Variants in ZNF385D observed in about 807,000 individuals in gnomAD.
The protein encoded by ZNF385D is zinc finger protein 659.
ZNF385D carries 15 observed loss-of-function variants against 35.8 expected under a neutral mutation model. That is an observed-to-expected ratio of 0.42 (90% CI 0.28 to 0.64). The LOEUF is 0.64. ZNF385D is among the 30% of genes least tolerant of loss of function. The pLI, the probability that ZNF385D is intolerant of heterozygous loss-of-function variation, is 0.23. For synonymous variants in ZNF385D, 212 were observed against 186.8 expected, an observed-to-expected ratio of 1.13 and a Z score of -1.10; for missense variants, 474 against 494.6, an observed-to-expected ratio of 0.96 and a Z score of 0.39.
At chr3:21,498,234 C>G (rs1368122031) in intron 4 of ZNF385D, among the ~76,000 whole-genome samples, 3 of 151,978 alleles carry the variant, frequency 2.0e-5, no homozygotes, top group Admixed American at 1.3e-4. Context: ...GGATTAAAGA[C>G]TTAAAGGTAA....
At chr3:21,919,616 C>G (rs1700357009) in intron 3 of ZNF385D, among the ~76,000 whole-genome samples, 1 of 152,158 alleles carries the variant, frequency 6.6e-6, no homozygotes, top group Admixed American at 6.5e-5. Flanking sequence ...ATTAAAAGCT[C>G]TGATAATTGC....
chr3:22,279,144 G>A (rs1701586221), intron 2 of ZNF385D, among the ~76,000 whole-genome samples: 1 of 151,980 alleles, frequency 6.6e-6, no homozygotes, highest in Non-Finnish European at 1.5e-5. Context: ...GGGGGAACAG[G>A]TGATGTTTGG....
At chr3:21,834,096 G>A (rs1163319425) in intron 3 of ZNF385D, among the ~76,000 whole-genome samples, 2 of 152,116 alleles carry the variant, frequency 1.3e-5, no homozygotes, top group East Asian at 3.9e-4. Context: ...AAGAAAAAAA[G>A]GGAATAGGTG....
At chr3:22,003,960 A>T (rs1559839684) in intron 3 of ZNF385D, among the ~76,000 whole-genome samples, 1 of 152,210 alleles carries the variant, frequency 6.6e-6, no homozygotes, top group African/African-American at 2.4e-5. Flanking sequence ...AGTAAAAAAA[A>T]ACAAAGCTGG....
intron 3 of ZNF385D, among the ~76,000 whole-genome samples, chr3:21,987,880 T>C (rs1694903537): frequency 7.1e-6 from 1 of 141,298 alleles, no homozygotes; most frequent in Admixed American, 6.8e-5. Flanking sequence ...TTTTATTCTT[T>C]TTTCTCTAAA....
chr3:21,458,349 G>T (rs1559309638), intron 4 of ZNF385D, among the ~76,000 whole-genome samples: 4 of 151,384 alleles, frequency 2.6e-5, no homozygotes, highest in Non-Finnish European at 1.5e-5. Flanking sequence ...CAGGTATATG[G>T]CATGAACCAG....
chr3:21,451,097 G>A (rs974579690), intron 4 of ZNF385D, among the ~76,000 whole-genome samples: 1 of 152,026 alleles, frequency 6.6e-6, no homozygotes, highest in Non-Finnish European at 1.5e-5. Flanking sequence ...TATAGGGAGA[G>A]AAATTTTGTG....
chr3:22,131,720 C>A (rs1237445424), intron 3 of ZNF385D, among the ~76,000 whole-genome samples: 1 of 152,132 alleles, frequency 6.6e-6, no homozygotes, highest in Non-Finnish European at 1.5e-5. Context: ...GGAGATATCA[C>A]AGAGGGAGTT....
chr3:21,842,595 G>A (rs1238035283), intron 3 of ZNF385D, among the ~76,000 whole-genome samples: 1 of 151,948 alleles, frequency 6.6e-6, no homozygotes, highest in East Asian at 1.9e-4. Flanking sequence ...TGGGATGGTT[G>A]TTTACATACT....
chr3:21,904,759 G>C (rs1161072428), intron 3 of ZNF385D, among the ~76,000 whole-genome samples: 1 of 152,080 alleles, frequency 6.6e-6, no homozygotes, highest in Non-Finnish European at 1.5e-5. Flanking sequence ...AGAAAGAATA[G>C]CACTTATAAG....
intron 3 of ZNF385D, among the ~76,000 whole-genome samples, chr3:21,759,276 T>A (rs910146243): frequency 6.6e-6 from 1 of 152,012 alleles, no homozygotes; most frequent in Non-Finnish European, 1.5e-5. Context: ...TGACCCGGAC[T>A]GATATAATGC....
At chr3:21,689,625 C>G (rs2067218222) in intron 1 of ZNF385D, among the ~76,000 whole-genome samples, 1 of 152,082 alleles carries the variant, frequency 6.6e-6, no homozygotes. Context: ...AGTAATAGCA[C>G]AGATTATGGA....
intron 3 of ZNF385D, among the ~76,000 whole-genome samples, chr3:22,059,535 C>G (rs775227598): frequency 2.6e-5 from 4 of 152,248 alleles, no homozygotes; most frequent in African/African-American, 9.6e-5. Flanking sequence ...AGAGAATGTC[C>G]TTTGTGATAG....
intron 2 of ZNF385D, among the ~76,000 whole-genome samples, chr3:21,633,969 G>C (rs1181813652): frequency 6.6e-6 from 1 of 152,020 alleles, no homozygotes; most frequent in Non-Finnish European, 1.5e-5. Context: ...GATCAGGCAG[G>C]TGGATTGCTT....
At position 21,666,449 on chromosome 3, in the gene ZNF385D, G is replaced by A. The variant is rs577261006; in HGVS notation, c.23-1421C>T. Among the ~76,000 whole-genome samples the A allele has an allele frequency of 9.9e-5, 15 of 152,238 alleles. No individual in the cohort carries two copies. The South Asian group carries it at 2.7e-3, about 27-fold the overall frequency. On this transcript the variant is annotated intron_variant, in intron 1 of 7. Coordinates refer to ENST00000281523, the MANE Select transcript of ZNF385D (RefSeq NM_024697.3). The stretch of plus-strand genomic sequence containing the variant: ...TACCTTCCTTCTTGAAATAATAATA[G>A]CACGGCCAACAATAGCAAAGTCAAT...
chr3:21,863,900 A>G (rs989532326), intron 3 of ZNF385D, among the ~76,000 whole-genome samples: 1 of 152,156 alleles, frequency 6.6e-6, no homozygotes, highest in Non-Finnish European at 1.5e-5. Flanking sequence ...ATTAATGCGC[A>G]CATGAATCAC....
chr3:21,474,762 A>G (rs550759409), intron 4 of ZNF385D, among the ~76,000 whole-genome samples: 16 of 152,256 alleles, frequency 1.1e-4, no homozygotes, highest in Non-Finnish European at 2.1e-4. Context: ...CTCAAAACCC[A>G]AAATCATTTT....
At chr3:21,948,232 C>T (rs1701891367) in intron 3 of ZNF385D, among the ~76,000 whole-genome samples, 1 of 150,126 alleles carries the variant, frequency 6.7e-6, no homozygotes, top group Admixed American at 6.6e-5. Context: ...ATTTTTTTTA[C>T]ACTTACTGAA....
chr3:21,735,996 A>G lies in ZNF385D; in HGVS notation c.22+14899T>C, dbSNP rs145190389. Among the ~76,000 whole-genome samples, 4 of 152,330 alleles carry G rather than the reference A, an allele frequency of 2.6e-5. No individual in the cohort carries two copies. The East Asian group carries it at 7.7e-4, about 29-fold the overall frequency. On this transcript the variant is annotated intron_variant, in intron 1 of 7. Coordinates refer to ENST00000281523, the MANE Select transcript of ZNF385D (RefSeq NM_024697.3). Reference sequence around the variant, plus strand: ...AATTGTGTGCTGGACAGAAAATAACAAAGGGTAGTGCCAGTATTTTGGCAC... The same window carrying G: ...AATTGTGTGCTGGACAGAAAATAACGAAGGGTAGTGCCAGTATTTTGGCAC...
Sources: gnomAD v4.1 joint callset for allele counts (sites outside exome capture counted in the v4.1 genomes callset) on GRCh38, gnomAD v4.1.1 for gene constraint, MANE v1.5 for transcripts, NCBI Gene and HGNC (gene_info 2026-07-23, HGNC 2026-07-21) for gene names.